The following USP32 variants were observed in gnomAD, a reference collection of about 807,000 sequenced individuals.
The protein encoded by USP32 is ubiquitin carboxyl-terminal hydrolase 32.
Under a neutral mutation model 204.8 loss-of-function variants are expected in USP32, and 59 were observed. That is an observed-to-expected ratio of 0.29 (90% CI 0.23 to 0.36). USP32 has a LOEUF of 0.36. Ranked by LOEUF, USP32 falls within the 10% of genes least tolerant of loss-of-function variation. The probability of loss-of-function intolerance (pLI) is 1.00; values close to 1 mark genes in which losing one functional copy is unlikely to be tolerated. For synonymous variants in USP32, 517 were observed against 678.4 expected (o/e 0.76, Z 3.70); for missense variants, 1,160 against 1,946.4 (o/e 0.60, Z 7.60).
chr17:60,180,806 A>T (rs972706659), intron 32 of USP32, among the ~76,000 whole-genome samples, 169 bp from the exon 33 acceptor site: 7 of 152,030 alleles, frequency 4.6e-5, no homozygotes, highest in African/African-American at 1.7e-4. Context: ...AAAAAGCAAA[A>T]TACAAAAGTC....
intron 16 of USP32, among the ~76,000 whole-genome samples, chr17:60,216,110 C>G (rs549707176): frequency 6.6e-6 from 1 of 152,054 alleles, no homozygotes; most frequent in African/African-American, 2.4e-5. Flanking sequence ...GCCTGTCCAC[C>G]CAGTAAGTTG....
chr17:60,287,148 T>C (rs2087136345), intron 5 of USP32, among the ~76,000 whole-genome samples: 2 of 152,198 alleles, frequency 1.3e-5, no homozygotes, highest in South Asian at 2.1e-4. Context: ...ATACTTCGTC[T>C]CAAATTAATT....
upstream of USP32, among the ~76,000 whole-genome samples, chr17:60,393,171 T>C (rs988837456): frequency 3.3e-5 from 5 of 152,200 alleles, no homozygotes; most frequent in African/African-American, 1.2e-4. Context: ...ACTATCAATT[T>C]CACTACTCTT....
chr17:60,383,536 G>A (rs1376688049), intron 1 of USP32, among the ~76,000 whole-genome samples: 1 of 152,196 alleles, frequency 6.6e-6, no homozygotes, highest in Non-Finnish European at 1.5e-5. Context: ...GATAAAGGCT[G>A]TACACAAACT....
chr17:60,183,162 C>T lies in USP32; in HGVS notation c.4123+3G>A. The T allele has an allele frequency of 6.2e-7, 1 of 1,604,512 alleles. No individual in the cohort carries two copies. The highest frequency in any genetic ancestry group is 8.5e-7 in the Non-Finnish European group (1 of 1,174,618). On this transcript the variant is annotated splice_donor_region_variant and intron_variant, in intron 31 of 33. Transcript: ENST00000300896. ...GCACCTGCATAAGGCCCCCAGGCCTCACCTTTCGGGCTGCTGATGATGTTA... is the reference window on the plus strand; with the variant it reads ...GCACCTGCATAAGGCCCCCAGGCCTTACCTTTCGGGCTGCTGATGATGTTA...
intron 5 of USP32, among the ~76,000 whole-genome samples, chr17:60,288,113 C>CAAAA (rs1045323566): frequency 3.4e-4 from 10 of 29,452 alleles, no homozygotes; most frequent in African/African-American, 5.9e-4. Flanking sequence ...GACTTCGTCT[C>CAAAA]AAAAAAAAAA....
At chr17:60,269,383 A>G (rs1598171796) in intron 7 of USP32, 67 bp downstream of exon 7, 2 of 1,183,262 alleles carry the variant, frequency 1.7e-6, no homozygotes, top group East Asian at 2.5e-5. Context: ...AGATAATTTT[A>G]CATTGATGAA....
At chr17:60,301,837 A>C in intron 2 of USP32, 133 bp from the exon 3 acceptor site, 1 of 645,246 alleles carries the variant, frequency 1.5e-6, no homozygotes, top group Non-Finnish European at 2.7e-6. Flanking sequence ...AATCATGTTA[A>C]GTTTCTCCCT....
chr17:60,317,927 G>A (rs748531546), intron 2 of USP32, among the ~76,000 whole-genome samples: 2 of 152,228 alleles, frequency 1.3e-5, no homozygotes, highest in Admixed American at 6.5e-5. Context: ...AGAGATTGCA[G>A]TAAGCTGAGA....
intron 1 of USP32, among the ~76,000 whole-genome samples, chr17:60,410,808 C>T (rs1480102640): frequency 2.6e-5 from 4 of 152,016 alleles, no homozygotes; most frequent in African/African-American, 7.3e-5. Flanking sequence ...CGGCTGGGTG[C>T]GGTGGCTCAC....
At chr17:60,284,304 C>T (rs1275714443) in intron 5 of USP32, among the ~76,000 whole-genome samples, 3 of 151,252 alleles carry the variant, frequency 2.0e-5, no homozygotes, top group African/African-American at 7.3e-5. Flanking sequence ...ACCCCCGCCT[C>T]CCAGGTTCAA....
At chr17:60,249,985 C>A (rs1435472993) in intron 11 of USP32, among the ~76,000 whole-genome samples, 1 of 150,660 alleles carries the variant, frequency 6.6e-6, no homozygotes, top group African/African-American at 2.4e-5. Flanking sequence ...ATAGTAGAGG[C>A]AAAATAAAAT....
chr17:60,315,294 G>A (rs1053059377), intron 2 of USP32, among the ~76,000 whole-genome samples: 5 of 152,196 alleles, frequency 3.3e-5, no homozygotes, highest in Non-Finnish European at 7.3e-5. Context: ...CAGCTACTCA[G>A]GAGGCTGAGG....
chr17:60,200,755 T>A (rs1486237997), intron 26 of USP32, among the ~76,000 whole-genome samples: 1 of 152,212 alleles, frequency 6.6e-6, no homozygotes, highest in Non-Finnish European at 1.5e-5. Flanking sequence ...TGCTTTTCTT[T>A]ACAGTTTTAT....
At chr17:60,214,423 T>A (rs1006834099) in intron 17 of USP32, among the ~76,000 whole-genome samples, 197 bp downstream of exon 17, 1 of 151,578 alleles carries the variant, frequency 6.6e-6, no homozygotes, top group African/African-American at 2.4e-5. Flanking sequence ...ATCCTAGACA[T>A]GGCTTTTAGC....
At chr17:60,312,936 A>C (rs1263368842) in intron 2 of USP32, among the ~76,000 whole-genome samples, 3 of 152,158 alleles carry the variant, frequency 2.0e-5, no homozygotes, top group Non-Finnish European at 4.4e-5. Flanking sequence ...AAAATTTCAA[A>C]TGTTAACATT....
chr17:60,315,783 T>C (rs964165513), intron 2 of USP32: 4 of 152,390 alleles, frequency 2.6e-5, no homozygotes, highest in African/African-American at 9.6e-5. Context: ...TTTAGCTCAC[T>C]GAGCTCCTGC....
intron 1 of USP32, among the ~76,000 whole-genome samples, chr17:60,387,660 T>G (rs2089753792): frequency 6.6e-6 from 1 of 152,230 alleles, no homozygotes. Flanking sequence ...TTACATTCTT[T>G]GATACAACTT....
At chr17:60,292,335 A>ATGTTGGC (rs1567832671) in intron 4 of USP32, among the ~76,000 whole-genome samples, 3 of 152,040 alleles carry the variant, frequency 2.0e-5, no homozygotes, top group Non-Finnish European at 4.4e-5. Flanking sequence ...CCAACAACAA[A>ATGTTGGC]TCCTTTACTC....
Sources: gnomAD v4.1 joint callset for allele counts (sites outside exome capture counted in the v4.1 genomes callset) on GRCh38, gnomAD v4.1.1 for gene constraint, MANE v1.5 for transcripts, NCBI Gene and HGNC (gene_info 2026-07-23, HGNC 2026-07-21) for gene names.